DCC: variants seen among roughly 807,000 people sequenced by gnomAD.
The protein encoded by DCC is DCC netrin 1 receptor.
In DCC, 58 loss-of-function variants were observed where a neutral mutation model predicts 172.5. That is an observed-to-expected ratio of 0.34 (90% confidence interval 0.27 to 0.42). The LOEUF (loss-of-function observed/expected upper bound fraction) is 0.42. Among genes scored for constraint, DCC ranks in the 10% least tolerant of loss-of-function variants. DCC has a pLI of 1.00. For synonymous variants in DCC, 709 were observed against 644.5 expected, an observed-to-expected ratio of 1.10 and a Z score of -1.52; for missense variants, 1,740 against 1,791.0, an observed-to-expected ratio of 0.97 and a Z score of 0.51.
intron 24 of DCC, among the ~76,000 whole-genome samples, chr18:53,466,787 A>C (rs1599182142): frequency 6.6e-6 from 1 of 152,124 alleles, no homozygotes. Context: ...TGGCCTCCCA[A>C]AGTGCTGGGA....
chr18:52,587,981 C>A (rs561748948), intron 1 of DCC, among the ~76,000 whole-genome samples: 29 of 152,288 alleles, frequency 1.9e-4, no homozygotes, highest in African/African-American at 5.8e-4. Flanking sequence ...ATACTACATC[C>A]ATTTGTGATG....
chr18:52,651,659 A>G (rs72929112), intron 1 of DCC, among the ~76,000 whole-genome samples: 2 of 152,276 alleles, frequency 1.3e-5, no homozygotes, highest in Non-Finnish European at 2.9e-5. Context: ...GCAAGTTTAA[A>G]CAAAGTGAGT....
At chr18:53,133,946 TGAGAG>T (rs1568324196) in intron 7 of DCC, among the ~76,000 whole-genome samples, 6 of 152,264 alleles carry the variant, frequency 3.9e-5, no homozygotes, top group Admixed American at 3.3e-4. Context: ...GAAAAATAGT[TGAGAG>T]GAGAGACCAT....
chr18:53,265,060 T>C (rs941752632), intron 12 of DCC, among the ~76,000 whole-genome samples: 1 of 152,188 alleles, frequency 6.6e-6, no homozygotes, highest in South Asian at 2.1e-4. Flanking sequence ...CCGTACACTT[T>C]TGCTAGTAGG....
chr18:52,993,399 T>C (rs67365230), intron 5 of DCC, among the ~76,000 whole-genome samples: 20,901 of 152,144 alleles, frequency 0.14, 1,792 homozygotes, highest in African/African-American at 0.25. Flanking sequence ...CTCTAGAATA[T>C]TCTAACTCCT....
chr18:52,846,650 C>CACACACACACACACACTT (rs2038897867), intron 2 of DCC, among the ~76,000 whole-genome samples: 1 of 146,886 alleles, frequency 6.8e-6, no homozygotes, highest in Non-Finnish European at 1.5e-5. Flanking sequence ...CACACACACA[C>CACACACACACACACACTT]ACTTGGGGAT....
intron 1 of DCC, among the ~76,000 whole-genome samples, chr18:52,551,066 A>T (rs1177180238): frequency 2.0e-5 from 3 of 152,016 alleles, no homozygotes; most frequent in Non-Finnish European, 2.9e-5. Flanking sequence ...ATTCAGAAAC[A>T]ATACTGTTGT....
intron 9 of DCC, among the ~76,000 whole-genome samples, chr18:53,202,324 A>T (rs1186239863): frequency 6.6e-6 from 1 of 152,202 alleles, no homozygotes; most frequent in African/African-American, 2.4e-5. Flanking sequence ...TCCCTAGTTG[A>T]ATCTGGGTAA....
intron 3 of DCC, among the ~76,000 whole-genome samples, chr18:52,907,567 C>T (rs1383423612): frequency 1.3e-5 from 2 of 151,994 alleles, no homozygotes; most frequent in African/African-American, 4.8e-5. Context: ...AATTGTGGCA[C>T]CACACCCGGC....
chr18:53,420,072 T>C (rs1295211475), intron 21 of DCC, among the ~76,000 whole-genome samples: 2 of 152,048 alleles, frequency 1.3e-5, no homozygotes, highest in Non-Finnish European at 2.9e-5. Context: ...GCCAGGATGG[T>C]CTCAATCCTC....
intron 2 of DCC, among the ~76,000 whole-genome samples, chr18:52,849,469 T>C (rs2038942622): frequency 1.3e-5 from 2 of 152,188 alleles, no homozygotes; most frequent in Non-Finnish European, 2.9e-5. Context: ...TGGATGGGAA[T>C]AGTGCCCCTA....
In DCC at chr18:52,874,493, A is replaced by G. The variant is rs143710837; in HGVS notation, c.413-31551A>G. ...ATCAATTTTTAGTTTATTATTCTTTATTCTCAGGCTTTATACTTAGGAAAT... is the reference window on the plus strand; with the variant it reads ...ATCAATTTTTAGTTTATTATTCTTTGTTCTCAGGCTTTATACTTAGGAAAT... On this transcript the variant is annotated intron_variant, in intron 2 of 28. Coordinates refer to ENST00000442544, the MANE Select transcript of DCC (RefSeq NM_005215.4). Among the ~76,000 whole-genome samples, 299 of 152,272 alleles carry G rather than the reference A, an allele frequency of 2.0e-3. 7 individuals carry two copies. The East Asian group carries it at 0.042, about 21-fold the overall frequency.
At chr18:52,573,932 A>T (rs2144763515) in intron 1 of DCC, among the ~76,000 whole-genome samples, 1 of 152,244 alleles carries the variant, frequency 6.6e-6, no homozygotes, top group Middle Eastern at 3.4e-3. Flanking sequence ...GGGTTTCTAC[A>T]TGCTCTGCCT....
Position 53,099,939 on chromosome 18 carries a change from C to CTTTTTTTTTTTTTTTTTTTT in DCC, c.1261+33776_1261+33777insTTTTTTTTTTTTTTTTTTTT, listed in dbSNP as rs200213348. ...AAGAGACTTTTCTTTTCTTTTCTTT[C>CTTTTTTTTTTTTTTTTTTTT]TTTCTTTTTTTTTTTTTTTTTGTTT... is the stretch of plus-strand genomic sequence containing the variant. On this transcript the variant is annotated intron_variant, in intron 7 of 28. Transcript: ENST00000442544. Among the ~76,000 whole-genome samples, 51 of 87,176 alleles carry CTTTTTTTTTTTTTTTTTTTT rather than the reference C, an allele frequency of 5.9e-4. 11 individuals carry two copies. Among genetic ancestry groups the CTTTTTTTTTTTTTTTTTTTT allele is most frequent in the African/African-American group, 2.0e-3 (37 of 18,840 alleles). 57.2% of individuals were successfully genotyped at this position (87,176 alleles called of 152,430 possible). A position where few individuals can be genotyped will look rare whatever the true frequency, so the allele number is the denominator to read the frequency against.
At chr18:53,305,159 A>G (rs2057185582) in intron 12 of DCC, among the ~76,000 whole-genome samples, 1 of 152,150 alleles carries the variant, frequency 6.6e-6, no homozygotes, top group Non-Finnish European at 1.5e-5. Flanking sequence ...TTTCTTTATA[A>G]ATTACCCAGT....
intron 1 of DCC, among the ~76,000 whole-genome samples, chr18:52,482,345 T>C (rs1305400093): frequency 6.6e-6 from 1 of 152,174 alleles, no homozygotes; most frequent in African/African-American, 2.4e-5. Context: ...CTAAATCTCC[T>C]TTTGCAACAT....
chr18:52,820,746 C>CGG (rs2038390708), intron 2 of DCC, among the ~76,000 whole-genome samples: 1 of 152,112 alleles, frequency 6.6e-6, no homozygotes, highest in Non-Finnish European at 1.5e-5. Context: ...TGATTGTGAA[C>CGG]ATCTTAGCTC....
At chr18:52,863,931 T>C (rs1239758402) in intron 2 of DCC, among the ~76,000 whole-genome samples, 1 of 152,124 alleles carries the variant, frequency 6.6e-6, no homozygotes, top group African/African-American at 2.4e-5. Context: ...CTAACAATAT[T>C]AAACTAGTAT....
chr18:52,807,325 C>T (rs1287618329), intron 2 of DCC, among the ~76,000 whole-genome samples: 1 of 152,196 alleles, frequency 6.6e-6, no homozygotes, highest in Non-Finnish European at 1.5e-5. Context: ...ACATCTGTAG[C>T]TAGATTGCTG....
Sources: allele counts gnomAD v4.1 joint callset (sites outside exome capture counted in the v4.1 genomes callset), GRCh38; gene constraint gnomAD v4.1.1; transcripts MANE v1.5; gene names NCBI Gene and HGNC (gene_info 2026-07-23, HGNC 2026-07-21).